GALNTL6: variants seen among roughly 807,000 people sequenced by gnomAD.
GALNTL6 encodes the protein polypeptide N-acetylgalactosaminyltransferase like 6.
GALNTL6 carries 46 observed loss-of-function variants against 73.7 expected under a neutral mutation model. That is an observed-to-expected ratio of 0.62 (90% CI 0.49 to 0.80). The LOEUF (loss-of-function observed/expected upper bound fraction) is 0.80. Among genes scored for constraint, GALNTL6 ranks in the 30% least tolerant of loss-of-function variants. The pLI is 0.00. For synonymous variants in GALNTL6, 259 were observed against 263.7 expected, an observed-to-expected ratio of 0.98 and a Z score of 0.17; for missense variants, 604 against 755.0, an observed-to-expected ratio of 0.80 and a Z score of 2.34.
Position 172,319,631 on chromosome 4 carries a change from T to C in GALNTL6, c.386+7879T>C, listed in dbSNP as rs188602842. Reference sequence around the variant, plus strand: ...GATTAGAAATCCTGGTAAGTATTTTTCAATAACAAATGTGCTCTTACCTGA... The same window carrying C: ...GATTAGAAATCCTGGTAAGTATTTTCCAATAACAAATGTGCTCTTACCTGA... On this transcript the variant is annotated intron_variant, in intron 4 of 12. Coordinates refer to ENST00000506823, the MANE Select transcript of GALNTL6 (RefSeq NM_001034845.3). Among the ~76,000 whole-genome samples the C allele has an allele frequency of 3.4e-4, 52 of 152,292 alleles. No homozygotes were observed. The East Asian group carries it at 8.9e-3, about 26-fold the overall frequency.
At chr4:172,441,600 C>T (rs78197169) in intron 5 of GALNTL6, among the ~76,000 whole-genome samples, 3,900 of 152,120 alleles carry the variant, frequency 0.026, 144 homozygotes, top group African/African-American at 0.087. Context: ...AAATGGCCTC[C>T]AAGCAGAGTG....
chr4:172,224,072 G>A (rs142605229), intron 2 of GALNTL6, among the ~76,000 whole-genome samples: 2 of 152,174 alleles, frequency 1.3e-5, no homozygotes, highest in East Asian at 3.9e-4. Context: ...CAGTGACTAT[G>A]TTAAGATTTT....
At chr4:172,391,095 A>G (rs1247175469) in intron 5 of GALNTL6, among the ~76,000 whole-genome samples, 2 of 152,248 alleles carry the variant, frequency 1.3e-5, no homozygotes, top group Non-Finnish European at 2.9e-5. Context: ...GCTCAATATC[A>G]TTGTGGATGT....
At chr4:172,450,979 A>G (rs1732187184) in intron 5 of GALNTL6, among the ~76,000 whole-genome samples, 1 of 152,188 alleles carries the variant, frequency 6.6e-6, no homozygotes. Flanking sequence ...GTCTTTGCCT[A>G]TGATAATGTG....
intron 5 of GALNTL6, among the ~76,000 whole-genome samples, chr4:172,481,383 A>T (rs970550860): frequency 1.3e-5 from 2 of 151,880 alleles, no homozygotes; most frequent in Admixed American, 6.6e-5. Context: ...TATTGCAAAG[A>T]GCAAAAGAGC....
chr4:173,022,140 A>AAGG (rs1753037024), intron 12 of GALNTL6, among the ~76,000 whole-genome samples: 2 of 142,176 alleles, frequency 1.4e-5, no homozygotes, highest in Admixed American at 7.0e-5. Flanking sequence ...AGAAGGAAGG[A>AAGG]AAAGAGAGAG....
At chr4:172,703,157 A>G (rs762092013) in intron 5 of GALNTL6, among the ~76,000 whole-genome samples, 5 of 151,894 alleles carry the variant, frequency 3.3e-5, no homozygotes, top group Non-Finnish European at 7.4e-5. Context: ...AAATCTTATA[A>G]ATTTTTATCC....
At chr4:171,930,936 G>A (rs138396575) in intron 2 of GALNTL6, among the ~76,000 whole-genome samples, 10 of 152,274 alleles carry the variant, frequency 6.6e-5, no homozygotes, top group Admixed American at 2.0e-4. Context: ...CAGCAATTAG[G>A]TAAGAGAAGG....
chr4:172,347,625 A>G (rs556194849), intron 4 of GALNTL6, among the ~76,000 whole-genome samples: 2 of 152,266 alleles, frequency 1.3e-5, no homozygotes, highest in South Asian at 2.1e-4. Flanking sequence ...CTACACTCCC[A>G]TGGAAATTAC....
intron 5 of GALNTL6, among the ~76,000 whole-genome samples, chr4:172,731,768 A>G (rs1408219262): frequency 6.6e-6 from 1 of 152,096 alleles, no homozygotes; most frequent in African/African-American, 2.4e-5. Flanking sequence ...AAAATTTTTT[A>G]AAATTTCCTT....
chr4:172,936,335 C>A (rs144292879), intron 9 of GALNTL6, among the ~76,000 whole-genome samples: 3 of 152,248 alleles, frequency 2.0e-5, no homozygotes, highest in African/African-American at 7.2e-5. Context: ...ACTAAATGGG[C>A]AAACGCTGGA....
At chr4:172,166,783 A>G (rs1448020942) in intron 2 of GALNTL6, among the ~76,000 whole-genome samples, 2 of 152,182 alleles carry the variant, frequency 1.3e-5, no homozygotes, top group Non-Finnish European at 2.9e-5. Flanking sequence ...ACATTTGTTG[A>G]ATTTGTACAT....
intron 2 of GALNTL6, among the ~76,000 whole-genome samples, chr4:172,181,794 G>T (rs1194892396): frequency 6.8e-6 from 1 of 146,514 alleles, no homozygotes; most frequent in Non-Finnish European, 1.5e-5. Flanking sequence ...TCGGCTCACT[G>T]CAGCCTCCAC....
At chr4:172,308,493 G>A (rs1740236383) in intron 3 of GALNTL6, among the ~76,000 whole-genome samples, 1 of 152,008 alleles carries the variant, frequency 6.6e-6, no homozygotes, top group Non-Finnish European at 1.5e-5. Flanking sequence ...TTATTACCTT[G>A]AGGTATGTCC....
intron 9 of GALNTL6, among the ~76,000 whole-genome samples, chr4:172,946,735 C>T (rs76697851): frequency 1.3e-5 from 2 of 152,288 alleles, no homozygotes; most frequent in East Asian, 1.9e-4. Context: ...AATAGAGGAA[C>T]ATTTGTGACA....
At chr4:172,985,903 C>T (rs1019187639) in intron 10 of GALNTL6, among the ~76,000 whole-genome samples, 4 of 152,210 alleles carry the variant, frequency 2.6e-5, no homozygotes, top group African/African-American at 4.8e-5. Flanking sequence ...CTGCGTGACT[C>T]CTAAGCCATC....
At chr4:172,500,504 G>A (rs1468089695) in intron 5 of GALNTL6, among the ~76,000 whole-genome samples, 1 of 152,114 alleles carries the variant, frequency 6.6e-6, no homozygotes, top group Admixed American at 6.6e-5. Flanking sequence ...CTGTAAAGGA[G>A]AACACCAATA....
intron 2 of GALNTL6, among the ~76,000 whole-genome samples, chr4:172,135,230 A>T (rs1733605928): frequency 6.6e-6 from 1 of 152,134 alleles, no homozygotes; most frequent in African/African-American, 2.4e-5. Context: ...CAATTTTCAG[A>T]TTAGTGAAAT....
At chr4:171,826,575 G>A (rs892599442) in intron 2 of GALNTL6, among the ~76,000 whole-genome samples, 6 of 152,134 alleles carry the variant, frequency 3.9e-5, no homozygotes, top group Non-Finnish European at 7.3e-5. Flanking sequence ...ACCTCAGGCT[G>A]AATCTGACTC....
Sources: gnomAD v4.1 joint callset for allele counts (sites outside exome capture counted in the v4.1 genomes callset) on GRCh38, gnomAD v4.1.1 for gene constraint, MANE v1.5 for transcripts, NCBI Gene and HGNC (gene_info 2026-07-23, HGNC 2026-07-21) for gene names.